Variants in SPECC1 observed in about 807,000 individuals in gnomAD.
The protein encoded by SPECC1 is sperm antigen with calponin homology and coiled-coil domains 1, also known as cytospin-B.
SPECC1 carries 62 observed loss-of-function variants against 104.1 expected under a neutral mutation model. The ratio of observed to expected loss-of-function variants is 0.60; its 90% confidence interval spans 0.49 to 0.74. SPECC1 has a LOEUF of 0.74. Ranked by LOEUF, SPECC1 falls within the 30% of genes least tolerant of loss-of-function variation. SPECC1 has a pLI of 0.00. For synonymous variants in SPECC1, 513 were observed against 501.6 expected (o/e 1.02, Z -0.30); for missense variants, 1,306 against 1,310.5 (o/e 1.00, Z 0.05).
At chr17:20,045,906 C>A (rs945726691) in intron 1 of SPECC1, among the ~76,000 whole-genome samples, 43 of 151,750 alleles carry the variant, frequency 2.8e-4, no homozygotes, top group African/African-American at 2.4e-5. Context: ...TAATTTATAT[C>A]TTATTTTGTT....
At chr17:20,076,519 T>C (rs933590014) in intron 1 of SPECC1, among the ~76,000 whole-genome samples, 1 of 152,258 alleles carries the variant, frequency 6.6e-6, no homozygotes, top group African/African-American at 2.4e-5. Flanking sequence ...AAATATTTAA[T>C]GGCATAAAAT....
At chr17:20,023,516 A>G (rs904429090) in intron 1 of SPECC1, among the ~76,000 whole-genome samples, 2 of 152,096 alleles carry the variant, frequency 1.3e-5, no homozygotes, top group African/African-American at 2.4e-5. Flanking sequence ...AGAGCACACA[A>G]TTGGGCAGCA....
intron 3 of SPECC1, among the ~76,000 whole-genome samples, chr17:20,189,096 C>T (rs187121473): frequency 6.6e-6 from 1 of 152,106 alleles, no homozygotes. Flanking sequence ...ATCGAGCCTC[C>T]GTAACCTGGA....
At chr17:20,055,070 T>C (rs1003005122) in intron 1 of SPECC1, among the ~76,000 whole-genome samples, 5 of 152,214 alleles carry the variant, frequency 3.3e-5, no homozygotes, top group Admixed American at 6.5e-5. Flanking sequence ...GTTATGTTCG[T>C]TGATTAGTAA....
intron 2 of SPECC1, among the ~76,000 whole-genome samples, chr17:20,105,706 G>GC (rs1342358686): frequency 6.6e-6 from 1 of 152,178 alleles, no homozygotes; most frequent in Non-Finnish European, 1.5e-5. Context: ...ATGTTACCAT[G>GC]CCAGGTCCTC....
intron 3 of SPECC1, chr17:20,156,015 G>A (rs1256633536): frequency 3.9e-6 from 5 of 1,285,780 alleles, no homozygotes; most frequent in East Asian, 3.2e-5. Context: ...CGGGGCCCAC[G>A]GGCGCGGGAG....
intron 8 of SPECC1, 41 bp downstream of exon 8, chr17:20,246,112 A>G (rs375829886): frequency 6.2e-7 from 1 of 1,607,548 alleles, no homozygotes; most frequent in South Asian, 1.1e-5. Context: ...TCCAAATTCA[A>G]ACTTTGGCCC....
At chr17:20,300,490 G>A (rs1025458232) in intron 13 of SPECC1, among the ~76,000 whole-genome samples, 3 of 152,246 alleles carry the variant, frequency 2.0e-5, no homozygotes, top group Admixed American at 1.3e-4. Flanking sequence ...ACACACCTAC[G>A]TCCTCCTGAC....
intron 1 of SPECC1, among the ~76,000 whole-genome samples, chr17:20,031,283 C>T (rs191424159): frequency 2.6e-5 from 4 of 152,166 alleles, no homozygotes; most frequent in South Asian, 2.1e-4. Context: ...TGTGAGCCAC[C>T]GTGCCTGGCC....
rs755444341 is a variant in SPECC1 at position 20,315,423 on chromosome 17, GTTC to G, written c.*1363_*1365del. On this transcript the variant is annotated 3_prime_UTR_variant, in exon 15 of 15. Transcript: ENST00000395527. ...AGTGCCCATCTGGTGGCTCTGCCGTGTTCTTCTGGGCGGATCTGTGTGCACTAC... is the reference window on the plus strand; with the variant it reads ...AGTGCCCATCTGGTGGCTCTGCCGTGTTCTGGGCGGATCTGTGTGCACTAC... The G allele has an allele frequency of 8.2e-5, 19 of 232,768 alleles. No homozygotes were observed. The highest frequency in any genetic ancestry group is 1.8e-4 in the South Asian group (1 of 5,516). The allele number at this position is 232,768 out of a possible 1,614,324, so 14.4% of individuals were successfully genotyped here.
At chr17:20,139,210 G>A (rs926580718) in intron 3 of SPECC1, among the ~76,000 whole-genome samples, 1 of 152,194 alleles carries the variant, frequency 6.6e-6, no homozygotes, top group African/African-American at 2.4e-5. Context: ...GGGAAGCTCT[G>A]TTCCAAGCCT....
intron 3 of SPECC1, among the ~76,000 whole-genome samples, chr17:20,178,256 G>C (rs926560331): frequency 6.6e-6 from 1 of 152,152 alleles, no homozygotes; most frequent in Admixed American, 6.5e-5. Flanking sequence ...CAGGGCAGGA[G>C]TGCTTCTCCT....
chr17:20,186,217 A>G (rs941022565), intron 3 of SPECC1, among the ~76,000 whole-genome samples: 7 of 152,216 alleles, frequency 4.6e-5, no homozygotes, highest in Admixed American at 4.6e-4. Context: ...GTTTCAGACC[A>G]CCACAATAAA....
At chr17:20,146,411 T>C (rs745779094) in intron 3 of SPECC1, among the ~76,000 whole-genome samples, 5 of 152,226 alleles carry the variant, frequency 3.3e-5, no homozygotes, top group African/African-American at 7.2e-5. Context: ...TGCTGAATAA[T>C]ATTCCATTAT....
chr17:20,138,475 T>C (rs1302118552), intron 3 of SPECC1, among the ~76,000 whole-genome samples: 2 of 152,156 alleles, frequency 1.3e-5, no homozygotes, highest in African/African-American at 4.8e-5. Context: ...AATTGTAATA[T>C]CACACAGAGT....
chr17:20,253,520 A>T lies in SPECC1; in HGVS notation c.2614A>T (p.Ser872Cys). The change falls in exon 10 of 15, where the codon AGC (serine) becomes TGC (cysteine). Residue 872 changes from serine (S) to cysteine (C), a missense_variant. Ser to Cys is a moderately radical substitution (Grantham distance 112). Around this residue, in one of 2 missense-constraint regions of SPECC1, gnomAD observed 1,177 missense variants for 1,139.9 expected, o/e 1.03. Transcript: ENST00000395527. Reference protein sequence around the residue: ...VSPMQRHSTYSSVRPASRGVT... With the variant: ...VSPMQRHSTYCSVRPASRGVT... Reference sequence around the variant, plus strand: ...GTTTTTACAGAGGCATTCGACTTACAGCAGTGTGCGGCCAGCCAGCAGAGG... The same window carrying T: ...GTTTTTACAGAGGCATTCGACTTACTGCAGTGTGCGGCCAGCCAGCAGAGG... 6.2e-7 allele frequency: 1 copy of T among 1,614,030 alleles called. No homozygotes were observed. The highest frequency in any genetic ancestry group is 8.5e-7 in the Non-Finnish European group (1 of 1,180,016).
At chr17:20,099,228 A>G (rs1210446373) in intron 2 of SPECC1, among the ~76,000 whole-genome samples, 1 of 151,852 alleles carries the variant, frequency 6.6e-6, no homozygotes, top group Non-Finnish European at 1.5e-5. Context: ...ATTATTTTCA[A>G]CCCAACAGCA....
chr17:20,195,984 A>G (rs946070477), intron 3 of SPECC1, among the ~76,000 whole-genome samples: 7 of 152,106 alleles, frequency 4.6e-5, no homozygotes, highest in African/African-American at 1.7e-4. Context: ...AATTTGCTCT[A>G]AGAAACCAAT....
chr17:20,089,237 C>A (rs537440165), intron 1 of SPECC1, among the ~76,000 whole-genome samples: 1 of 152,132 alleles, frequency 6.6e-6, no homozygotes, highest in South Asian at 2.1e-4. Context: ...CAGCAGCTAC[C>A]TCACAGGGTA....
Sources: allele counts gnomAD v4.1 joint callset (sites outside exome capture counted in the v4.1 genomes callset), GRCh38; gene constraint gnomAD v4.1.1; regional missense constraint gnomAD v4.1.1; transcripts MANE v1.5; gene names NCBI Gene and HGNC (gene_info 2026-07-23, HGNC 2026-07-21).